Variants in GPM6A observed in about 807,000 individuals in gnomAD.
The protein encoded by GPM6A is neuronal membrane glycoprotein M6-a.
A neutral mutation model predicts 32.1 loss-of-function variants in GPM6A; 7 were observed. The observed-to-expected ratio is 0.22, with a 90% CI of 0.12 to 0.41. The LOEUF is 0.41. Ranked by LOEUF, GPM6A falls within the 10% of genes least tolerant of loss-of-function variation. The pLI, the probability that GPM6A is intolerant of heterozygous loss-of-function variation, is 1.00. For missense variants in GPM6A, 235 were observed against 347.2 expected (o/e 0.68, Z 2.57); for synonymous variants, 130 against 123.4 (o/e 1.05, Z -0.35).
intron 1 of GPM6A, among the ~76,000 whole-genome samples, chr4:175,896,855 G>T (rs956000745): frequency 6.6e-6 from 1 of 152,000 alleles, no homozygotes; most frequent in Non-Finnish European, 1.5e-5. Flanking sequence ...CAGGACTTTT[G>T]GTTCATTTGT....
At chr4:175,857,838 G>A (rs866962961) in intron 1 of GPM6A, among the ~76,000 whole-genome samples, 18 of 152,062 alleles carry the variant, frequency 1.2e-4, no homozygotes, top group African/African-American at 3.4e-4. Flanking sequence ...CCTTTACCAC[G>A]TATATTCATG....
chr4:175,838,098 C>CACACACACACAG (rs1735823956), intron 1 of GPM6A, among the ~76,000 whole-genome samples: 1 of 78,258 alleles, frequency 1.3e-5, no homozygotes, highest in African/African-American at 5.7e-5. Context: ...AAAACACACA[C>CACACACACACAG]ACACACACAC....
At chr4:175,808,282 T>C (rs535629278) in intron 1 of GPM6A, among the ~76,000 whole-genome samples, 12 of 152,290 alleles carry the variant, frequency 7.9e-5, no homozygotes, top group African/African-American at 2.9e-4. Flanking sequence ...CAGTATATCC[T>C]TGTGTGCATA....
chr4:175,652,247 C>T (rs1213192080), intron 3 of GPM6A, among the ~76,000 whole-genome samples: 1 of 152,128 alleles, frequency 6.6e-6, no homozygotes, highest in Non-Finnish European at 1.5e-5. Context: ...ATTATCATGC[C>T]TCTTCATCCA....
At chr4:175,855,110 T>C (rs1736377444) in intron 1 of GPM6A, among the ~76,000 whole-genome samples, 1 of 152,176 alleles carries the variant, frequency 6.6e-6, no homozygotes. Context: ...TGGAACATAG[T>C]TCCACAGTAT....
At chr4:175,884,037 C>T (rs1285394549) in intron 1 of GPM6A, among the ~76,000 whole-genome samples, 1 of 152,132 alleles carries the variant, frequency 6.6e-6, no homozygotes, top group Non-Finnish European at 1.5e-5. Flanking sequence ...GCCTGGCTAC[C>T]TCAAAAATAA....
chr4:175,896,228 G>A (rs1487156623), intron 1 of GPM6A, among the ~76,000 whole-genome samples: 1 of 152,214 alleles, frequency 6.6e-6, no homozygotes, highest in South Asian at 2.1e-4. Context: ...CAAGGTAGAT[G>A]GTAAGATCCC....
intron 1 of GPM6A, among the ~76,000 whole-genome samples, chr4:175,916,083 G>C (rs1462454578): frequency 6.6e-6 from 1 of 152,198 alleles, no homozygotes; most frequent in Non-Finnish European, 1.5e-5. Context: ...CAAGTTCTCT[G>C]ATAGTCTCAC....
chr4:175,867,263 C>T (rs187376741), intron 1 of GPM6A, among the ~76,000 whole-genome samples: 126 of 152,116 alleles, frequency 8.3e-4, no homozygotes, highest in Admixed American at 2.6e-3. Context: ...TTAATAAACC[C>T]CAGTTTATCG....
At chr4:175,793,925 T>G (rs1031682786) in intron 1 of GPM6A, among the ~76,000 whole-genome samples, 3 of 152,246 alleles carry the variant, frequency 2.0e-5, no homozygotes, top group Admixed American at 6.5e-5. Context: ...TTTATCCTAA[T>G]TAGTCTTTTG....
intron 2 of GPM6A, among the ~76,000 whole-genome samples, chr4:175,682,874 T>G (rs1235237652): frequency 6.6e-6 from 1 of 152,096 alleles, no homozygotes; most frequent in Non-Finnish European, 1.5e-5. Flanking sequence ...AGTGGAGGCC[T>G]CACAAGAACC....
intron 3 of GPM6A, among the ~76,000 whole-genome samples, chr4:175,654,064 A>G (rs534824256): frequency 1.3e-5 from 2 of 152,256 alleles, no homozygotes; most frequent in African/African-American, 4.8e-5. Flanking sequence ...CTGAACGTGG[A>G]TAAGTATACT....
intron 1 of GPM6A, among the ~76,000 whole-genome samples, chr4:175,771,702 C>T (rs566880035): frequency 2.6e-5 from 4 of 152,136 alleles, no homozygotes; most frequent in African/African-American, 9.6e-5. Context: ...TCACAACTAG[C>T]CAGATAGATG....
At chr4:175,889,345 G>A (rs1737559031) in intron 1 of GPM6A, among the ~76,000 whole-genome samples, 1 of 152,074 alleles carries the variant, frequency 6.6e-6, no homozygotes. Context: ...GCAATATGGT[G>A]AGACCCTGCC....
intron 1 of GPM6A, among the ~76,000 whole-genome samples, chr4:175,877,363 G>C (rs1345079733): frequency 2.0e-5 from 3 of 152,150 alleles, no homozygotes; most frequent in Non-Finnish European, 4.4e-5. Flanking sequence ...GCAAGCAAAG[G>C]CAGTTAAGCA....
At chr4:175,963,801 T>C (rs569495321) in intron 1 of GPM6A, among the ~76,000 whole-genome samples, 1 of 152,112 alleles carries the variant, frequency 6.6e-6, no homozygotes. Flanking sequence ...ATGTATTCGA[T>C]GATTTTATCT....
At chr4:175,778,027 G>A (rs1733461762) in intron 1 of GPM6A, among the ~76,000 whole-genome samples, 1 of 152,086 alleles carries the variant, frequency 6.6e-6, no homozygotes, top group South Asian at 2.1e-4. Flanking sequence ...TTATTTCACA[G>A]CATAATGGAG....
At chr4:175,858,075 G>C (rs1313230073) in intron 1 of GPM6A, among the ~76,000 whole-genome samples, 2 of 152,100 alleles carry the variant, frequency 1.3e-5, no homozygotes, top group African/African-American at 4.8e-5. Context: ...TTAGATCACT[G>C]GAGAGGTAGG....
intron 1 of GPM6A, among the ~76,000 whole-genome samples, chr4:175,827,693 A>T (rs1735482549): frequency 1.3e-5 from 2 of 152,166 alleles, no homozygotes; most frequent in Admixed American, 1.3e-4. Context: ...GATGTTCTGT[A>T]AGGAGCAATC....
Sources: gnomAD v4.1 joint callset for allele counts (sites outside exome capture counted in the v4.1 genomes callset) on GRCh38, gnomAD v4.1.1 for gene constraint, MANE v1.5 for transcripts, NCBI Gene and HGNC (gene_info 2026-07-23, HGNC 2026-07-21) for gene names.